Variants in SERINC5 observed in about 807,000 individuals in gnomAD.
The protein encoded by SERINC5 is chromosome 5 open reading frame 12.
A neutral mutation model predicts 63.1 loss-of-function variants in SERINC5; 41 were observed. The ratio of observed to expected loss-of-function variants is 0.65; its 90% confidence interval spans 0.51 to 0.84. The LOEUF (loss-of-function observed/expected upper bound fraction) is 0.84, where lower values mean the gene tolerates loss of function less well. Among genes scored for constraint, SERINC5 ranks in the 40% least tolerant of loss-of-function variants. The pLI is 0.00. For missense variants in SERINC5, 523 were observed against 573.0 expected, an observed-to-expected ratio of 0.91 and a Z score of 0.89; for synonymous variants, 222 against 215.2, an observed-to-expected ratio of 1.03 and a Z score of -0.28.
chr5:80,182,075 G>GT (rs1314500682), intron 2 of SERINC5, among the ~76,000 whole-genome samples: 7 of 152,176 alleles, frequency 4.6e-5, no homozygotes, highest in Non-Finnish European at 7.4e-5. Context: ...TGACTGGCTG[G>GT]TGCAGAGGCT....
Position 80,142,584 on chromosome 5 carries a change from C to T in SERINC5, c.*1079G>A, listed in dbSNP as rs931661594. On this transcript the variant is annotated 3_prime_UTR_variant, in exon 12 of 12. Transcript: ENST00000507668. ...GAGATCCTCACCTCAGAAATTCTCA[C>T]ATTAGCAAACCTACTCCAAGGATGC... The T allele has an allele frequency of 1.4e-5, 14 of 985,312 alleles. No individual in the cohort carries two copies. Among genetic ancestry groups the T allele is most frequent in the Non-Finnish European group, 1.7e-5 (14 of 829,954 alleles). 61.0% of individuals were successfully genotyped at this position (985,312 alleles called of 1,614,324 possible).
chr5:80,184,787 G>A (rs553492967), intron 2 of SERINC5, among the ~76,000 whole-genome samples: 1 of 152,268 alleles, frequency 6.6e-6, no homozygotes, highest in South Asian at 2.1e-4. Context: ...CACACCACAG[G>A]GTGAAAGGAA....
intron 1 of SERINC5, among the ~76,000 whole-genome samples, chr5:80,213,517 A>G (rs1750529538): frequency 6.6e-6 from 1 of 152,188 alleles, no homozygotes; most frequent in African/African-American, 2.4e-5. Context: ...CATGAACAAG[A>G]CAGGTAACAC....
chr5:80,210,827 T>C (rs1399714138), intron 1 of SERINC5, among the ~76,000 whole-genome samples: 1 of 152,202 alleles, frequency 6.6e-6, no homozygotes, highest in East Asian at 1.9e-4. Context: ...TCATCACTTG[T>C]AAGTCGAAGA....
chr5:80,233,148 G>A (rs940658534), intron 1 of SERINC5, among the ~76,000 whole-genome samples: 2 of 152,106 alleles, frequency 1.3e-5, no homozygotes, highest in Non-Finnish European at 2.9e-5. Flanking sequence ...CTTTAAGGCC[G>A]GGTGCAGTGG....
chr5:80,116,659 T>G (rs1166907322), intron 11 of SERINC5, among the ~76,000 whole-genome samples: 3 of 152,000 alleles, frequency 2.0e-5, no homozygotes, highest in Non-Finnish European at 4.4e-5. Flanking sequence ...TAGGCAGAGC[T>G]CTGCTGGCAG....
At chr5:80,134,769 C>G (rs1056988827), downstream of SERINC5, among the ~76,000 whole-genome samples, 2 of 152,152 alleles carry the variant, frequency 1.3e-5, no homozygotes, top group Non-Finnish European at 2.9e-5. Context: ...CTTCTCAAAC[C>G]CTCATGGTTA....
At chr5:80,153,886 G>A (rs1297316183) in intron 8 of SERINC5, among the ~76,000 whole-genome samples, 2 of 152,040 alleles carry the variant, frequency 1.3e-5, no homozygotes, top group Non-Finnish European at 2.9e-5. Context: ...CACACTGGCA[G>A]AAGAATGCAC....
intron 12 of SERINC5, among the ~76,000 whole-genome samples, chr5:80,112,395 T>C (rs1364818313): frequency 6.6e-6 from 1 of 152,170 alleles, no homozygotes; most frequent in African/African-American, 2.4e-5. Context: ...TTGCTCACGT[T>C]TTCTTGCTGA....
At chr5:80,147,164 T>C in intron 10 of SERINC5, 81 bp downstream of exon 10, 1 of 1,283,774 alleles carries the variant, frequency 7.8e-7, no homozygotes, top group Non-Finnish European at 1.1e-6. Context: ...GTTATTTGTG[T>C]CTGAATCCCA....
At chr5:80,137,146 A>C (rs1161869131), downstream of SERINC5, among the ~76,000 whole-genome samples, 3 of 120,926 alleles carry the variant, frequency 2.5e-5, no homozygotes, top group Admixed American at 1.7e-4. Flanking sequence ...TCTCAAAAAA[A>C]AAAAAAAAAA....
At chr5:80,253,974 A>G (rs1224912212) in intron 1 of SERINC5, among the ~76,000 whole-genome samples, 11 of 152,174 alleles carry the variant, frequency 7.2e-5, no homozygotes, top group African/African-American at 2.4e-4. Context: ...CTCATTGCCC[A>G]GGCTTGAGTG....
rs1325682632 is a variant in SERINC5, at chr5:80,139,260, A to G, written c.*4403T>C. Reference sequence around the variant, plus strand: ...AAGTAAAAAGGCTTAAATCTTTAATAAAGGAAAACAAAACAATCCTCTTAA... The same window carrying G: ...AAGTAAAAAGGCTTAAATCTTTAATGAAGGAAAACAAAACAATCCTCTTAA... On this transcript the variant is annotated 3_prime_UTR_variant, in exon 12 of 12. Transcript: ENST00000507668. 1.0e-6 allele frequency: 1 copy of G among 970,740 alleles called. No individual in the cohort carries two copies. Among genetic ancestry groups the G allele is most frequent in the Admixed American group, 6.2e-5 (1 of 16,252 alleles). 60.1% of individuals were successfully genotyped at this position (970,740 alleles called of 1,614,324 possible).
chr5:80,118,289 A>G (rs1329937651), intron 11 of SERINC5, among the ~76,000 whole-genome samples: 1 of 152,226 alleles, frequency 6.6e-6, no homozygotes, highest in African/African-American at 2.4e-5. Context: ...TGCAAAGTTA[A>G]CATTTACAGT....
At chr5:80,136,271 C>T (rs1439980092), downstream of SERINC5, among the ~76,000 whole-genome samples, 1 of 141,970 alleles carries the variant, frequency 7.0e-6, no homozygotes, top group Admixed American at 7.0e-5. Flanking sequence ...CAAGAGACCT[C>T]GTCTCAAAAA....
rs111842668 is a variant in SERINC5 at position 80,177,999 on chromosome 5, T to G, written c.261A>C (p.Gly87=). The G allele has an allele frequency of 4.7e-4, 760 of 1,612,694 alleles. 2 individuals are homozygous for G. In the African/African-American group the frequency reaches 9.4e-3, roughly 20 times the overall value. ...KAGDTCEKLV[G]YSAVYRVCFG... is the part of the protein sequence containing the mutation. ...AACAGACTCTATACACGGCAGAATA[T>G]CCCACCAGCTTCTCACAGGTGTCAC... Residue 87 remains glycine, a synonymous_variant, in exon 3 of 12, where the codon GGA becomes GGC. Coordinates refer to ENST00000507668, the MANE Select transcript of SERINC5 (RefSeq NM_001174072.3).
Position 80,209,763 on chromosome 5 carries a change from C to T in SERINC5, c.28-6710G>A, listed in dbSNP as rs569866200. Among the ~76,000 whole-genome samples the T allele has an allele frequency of 5.9e-5, 9 of 152,138 alleles. No individual in the cohort carries two copies. In the South Asian group the frequency reaches 1.0e-3, roughly 18 times the overall value. On this transcript the variant is annotated intron_variant, in intron 1 of 11. Coordinates refer to ENST00000507668, the MANE Select transcript of SERINC5 (RefSeq NM_001174072.3). ...CTGACTACTTGAGAAAAGTAAACGG[C>T]GCGTGGTGGCTCATGCCTGTAATCC...
Position 80,138,847 on chromosome 5 carries a change from T to TATTATATATGTATTATATATGTA in SERINC5, c.*4815_*4816insTACATATATAATACATATATAAT, listed in dbSNP as rs1561357513. The TATTATATATGTATTATATATGTA allele has an allele frequency of 6.1e-6, 6 of 982,118 alleles. No homozygotes were observed. Among genetic ancestry groups the TATTATATATGTATTATATATGTA allele is most frequent in the Non-Finnish European group, 7.3e-6 (6 of 827,078 alleles). 60.8% of individuals were successfully genotyped at this position (982,118 alleles called of 1,614,324 possible). On this transcript the variant is annotated 3_prime_UTR_variant, in exon 12 of 12. Coordinates refer to ENST00000507668, the MANE Select transcript of SERINC5 (RefSeq NM_001174072.3). The stretch of plus-strand genomic sequence containing the variant: ...ATCTCTGCAAAACAACTAACTTGAG[T>TATTATATATGTATTATATATGTA]ACTTTAATTATATATGTATCTAGCA...
At chr5:80,130,235 C>T (rs775750494) in intron 11 of SERINC5, among the ~76,000 whole-genome samples, 1 of 152,088 alleles carries the variant, frequency 6.6e-6, no homozygotes, top group Non-Finnish European at 1.5e-5. Flanking sequence ...CAAAAACTAG[C>T]CGGGCCTGGT....
Sources: allele counts gnomAD v4.1 joint callset (sites outside exome capture counted in the v4.1 genomes callset), GRCh38; gene constraint gnomAD v4.1.1; transcripts MANE v1.5; gene names NCBI Gene and HGNC (gene_info 2026-07-23, HGNC 2026-07-21).